Variants in ANK2 observed in about 807,000 individuals in gnomAD.
ANK2 encodes ankyrin 2.
In ANK2, 83 loss-of-function variants were observed where a neutral mutation model predicts 360.5. The ratio of observed to expected loss-of-function variants is 0.23; its 90% CI spans 0.19 to 0.28. The LOEUF is 0.28. ANK2 is among the 10% of genes least tolerant of loss of function. The probability of loss-of-function intolerance (pLI) is 1.00; values close to 1 mark genes in which losing one functional copy is unlikely to be tolerated. For synonymous variants in ANK2, 1,740 were observed against 1,759.5 expected (o/e 0.99, Z 0.28); for missense variants, 4,201 against 4,795.7 (o/e 0.88, Z 3.66).
intron 13 of ANK2, among the ~76,000 whole-genome samples, chr4:113,260,486 G>A (rs1376384218): frequency 6.6e-6 from 1 of 152,140 alleles, no homozygotes; most frequent in African/African-American, 2.4e-5. Context: ...AGGGGCACAT[G>A]CCAATATAAT....
intron 22 of ANK2, among the ~76,000 whole-genome samples, chr4:113,294,304 A>G (rs2069769035): frequency 6.6e-6 from 1 of 152,184 alleles, no homozygotes; most frequent in African/African-American, 2.4e-5. Flanking sequence ...TGGAAGTGCT[A>G]TTATATTTGC....
At chr4:113,227,273 C>T (rs556238412) in intron 4 of ANK2, among the ~76,000 whole-genome samples, 6 of 152,070 alleles carry the variant, frequency 3.9e-5, no homozygotes, top group Non-Finnish European at 8.8e-5. Context: ...AACAATGCTC[C>T]GATCTCCCAA....
chr4:113,206,712 T>A (rs2098954174), intron 4 of ANK2, among the ~76,000 whole-genome samples: 1 of 152,160 alleles, frequency 6.6e-6, no homozygotes, highest in African/African-American at 2.4e-5. Flanking sequence ...GGGAAAAAGA[T>A]GAGAATCGAT....
chr4:112,864,758 CGCG>C (rs1248180319), intron 1 of ANK2, among the ~76,000 whole-genome samples: 1 of 151,274 alleles, frequency 6.6e-6, no homozygotes, highest in East Asian at 2.0e-4. Flanking sequence ...ACCAGCCGGG[CGCG>C]GTGGCTCAAG....
At chr4:113,302,939 A>C in intron 23 of ANK2, 100 bp downstream of exon 23, 1 of 1,043,650 alleles carries the variant, frequency 9.6e-7, no homozygotes, top group Non-Finnish European at 1.5e-6. Flanking sequence ...TGGATGACAG[A>C]ATCTTAACAT....
intron 1 of ANK2, among the ~76,000 whole-genome samples, chr4:113,115,183 AG>A (rs1166898606): frequency 2.6e-5 from 4 of 152,184 alleles, no homozygotes. Context: ...CCCCTGGCCA[AG>A]GAGATAGAAG....
chr4:113,156,918 G>A (rs2097324310), intron 1 of ANK2, among the ~76,000 whole-genome samples: 1 of 151,692 alleles, frequency 6.6e-6, no homozygotes, highest in African/African-American at 2.4e-5. Flanking sequence ...ATTACATAAA[G>A]GCTAGGGAAG....
At chr4:112,827,247 A>G in intron 1 of ANK2, 4 of 1,068,920 alleles carry the variant, frequency 3.7e-6, no homozygotes, top group Non-Finnish European at 5.9e-6. Context: ...AGGATTTAGA[A>G]GAAAGAGAAA....
At chr4:112,885,498 A>G (rs1237323428) in intron 1 of ANK2, among the ~76,000 whole-genome samples, 10 of 140,920 alleles carry the variant, frequency 7.1e-5, no homozygotes, top group African/African-American at 2.7e-4. Flanking sequence ...GACTCCATCA[A>G]AAAAAAAAAA....
chr4:112,748,109 TGTG>T, the ANK2 span, among the ~76,000 whole-genome samples: 2 of 152,232 alleles, frequency 1.3e-5, no homozygotes, highest in East Asian at 1.9e-4. Context: ...ATCAGGAAAA[TGTG>T]GTGATTAATA....
chr4:112,826,904 T>C, intron 1 of ANK2: 1 of 1,520,600 alleles, frequency 6.6e-7, no homozygotes, highest in South Asian at 1.1e-5. Context: ...TCAACCTTAA[T>C]GAAGAAAATG....
At chr4:113,109,011 C>T (rs972219078) in intron 1 of ANK2, among the ~76,000 whole-genome samples, 1 of 151,880 alleles carries the variant, frequency 6.6e-6, no homozygotes, top group Non-Finnish European at 1.5e-5. Flanking sequence ...TCTGAAGTCC[C>T]GTAGTACATA....
In ANK2 at chr4:113,380,101, T is replaced by A. The variant is rs77603983; in HGVS notation, c.11860-1356T>A. 4.8e-3 allele frequency among the ~76,000 whole-genome samples: 725 copies of A among 152,306 alleles called. 9 individuals are homozygous for A. Among genetic ancestry groups the A allele is most frequent in the African/African-American group, 0.017 (697 of 41,558 alleles). On this transcript the variant is annotated intron_variant, in intron 45 of 45. Transcript: ENST00000357077. ...TCGGAGATTCAATTTCTTTATTTGT[T>A]ATACTAGTGTCTGGCCCATACAACA... is the stretch of plus-strand genomic sequence containing the variant.
intron 2 of ANK2, among the ~76,000 whole-genome samples, chr4:112,909,760 C>G (rs2086474633): frequency 6.6e-6 from 1 of 152,164 alleles, no homozygotes; most frequent in Admixed American, 6.5e-5. Context: ...TGTGGTCAGT[C>G]TATGTATAGC....
At position 112,960,588 on chromosome 4, in the gene ANK2, A is replaced by G. The variant is rs79208517; in HGVS notation, c.21+56074A>G. Among the ~76,000 whole-genome samples the G allele has an allele frequency of 2.2e-4, 33 of 152,296 alleles. No individual in the cohort carries two copies. In the East Asian group the frequency reaches 4.8e-3, roughly 22 times the overall value. On this transcript the variant is annotated intron_variant, in intron 2 of 30. Transcript: ENST00000503271. The stretch of plus-strand genomic sequence containing the variant: ...AGTCTCCGACTTCAGGCACATCACA[A>G]TGTCCCAAATTAGATTGTATTTAAT...
chr4:113,219,529 C>T lies in ANK2; in HGVS notation c.385-12632C>T, dbSNP rs554224499. 1.4e-4 allele frequency among the ~76,000 whole-genome samples: 22 copies of T among 152,118 alleles called. 2 individuals carry two copies. The South Asian group carries it at 3.9e-3, about 27-fold the overall frequency. ...ACAAAAAACAATGAAGAAAAGCCTA[C>T]TGCTGTGTATCTTATTTTGTGTTTT... On this transcript the variant is annotated intron_variant, in intron 4 of 45. Coordinates refer to ENST00000357077, the MANE Select transcript of ANK2 (RefSeq NM_001148.6).
rs2058692639 is a variant in ANK2 at position 112,827,647 on chromosome 4, A to G, written c.-40+9383A>G. On this transcript the variant is annotated intron_variant, in intron 1 of 30. Coordinates refer to the ANK2 transcript ENST00000503271. ...ATCCAGATCCTTGCAATTTACTGCC[A>G]AGGAAGACACAAAGAGCATTGTTGC... The G allele has an allele frequency of 4.0e-6, 3 of 757,630 alleles. No individual in the cohort carries two copies. The East Asian group carries it at 7.4e-5, about 19-fold the overall frequency. The allele number at this position is 757,630 out of a possible 1,614,324, so 46.9% of individuals were successfully genotyped here. A position where few individuals can be genotyped will look rare whatever the true frequency, so the allele number is the denominator to read the frequency against.
rs2095934198 is a variant in ANK2 at position 113,358,233 on chromosome 4, G to A, written c.9615G>A (p.Gly3205=). 1 of 1,614,088 alleles carries A rather than the reference G, an allele frequency of 6.2e-7. No individual in the cohort carries two copies. The highest frequency in any genetic ancestry group is 8.5e-7 in the Non-Finnish European group (1 of 1,179,970). The change falls in exon 38 of 46, where the codon GGG becomes GGA. Residue 3205 remains glycine, a synonymous_variant. Coordinates refer to ENST00000357077, the MANE Select transcript of ANK2 (RefSeq NM_001148.6). ...ASDAQLNSQM[G]ISASTETPTK... ...ATGCTCAACTTAACTCCCAAATGGG[G>A]ATTTCAGCCTCCACTGAAACACCTA...
At chr4:112,785,093 C>T in the ANK2 span, among the ~76,000 whole-genome samples, 1 of 152,298 alleles carries the variant, frequency 6.6e-6, no homozygotes, top group Non-Finnish European at 1.5e-5. Flanking sequence ...TTTGGTGAAA[C>T]AGCTGCTTGC....
Sources: allele counts gnomAD v4.1 joint callset (sites outside exome capture counted in the v4.1 genomes callset), GRCh38; gene constraint gnomAD v4.1.1; transcripts MANE v1.5; gene names NCBI Gene and HGNC (gene_info 2026-07-23, HGNC 2026-07-21).